TIA1: variants seen among roughly 807,000 people sequenced by gnomAD.
TIA1 encodes the protein TIA1 cytotoxic granule associated RNA binding protein.
In TIA1, 23 loss-of-function variants were observed where a neutral mutation model predicts 65.9. The ratio of observed to expected loss-of-function variants is 0.35; its 90% CI spans 0.25 to 0.49. The LOEUF (loss-of-function observed/expected upper bound fraction) is 0.49, where lower values mean the gene tolerates loss of function less well. TIA1 is among the 20% of genes least tolerant of loss of function. The pLI is 0.98. For synonymous variants in TIA1, 147 were observed against 149.4 expected (o/e 0.98, Z 0.12); for missense variants, 371 against 477.9 (o/e 0.78, Z 2.09).
rs768554955 is a variant in TIA1 at position 70,212,739 on chromosome 2, C to T, written c.1141G>A (p.Ala381Thr). Residue 381 changes from alanine (A) to threonine (T), a missense_variant, in exon 13 of 13, where the codon GCA (alanine) becomes ACA (threonine). Transcript: ENST00000433529. ...CTTATTCACTGGGTTTCATACCCTG[C>T]CACTCGATACCCAGAAGGCTGATTG... ...LPNQPSGYRV[A>T]GYETQ The T allele has an allele frequency of 3.5e-5, 56 of 1,613,234 alleles. No individual in the cohort carries two copies. The Middle Eastern group carries it at 4.9e-4, about 14-fold the overall frequency.
At chr2:70,220,394 G>A (rs1680741110) in intron 7 of TIA1, among the ~76,000 whole-genome samples, 1 of 152,032 alleles carries the variant, frequency 6.6e-6, no homozygotes, top group South Asian at 2.1e-4. Context: ...GGGTGACAGA[G>A]TGAGGTCCTG....
intron 5 of TIA1, chr2:70,228,796 G>T: frequency 2.2e-6 from 3 of 1,366,776 alleles, no homozygotes; most frequent in African/African-American, 1.5e-5. Flanking sequence ...CAAGAAAGGA[G>T]GGTATTTTGC....
At chr2:70,233,873 A>G (rs1208122303) in intron 2 of TIA1, among the ~76,000 whole-genome samples, 1 of 152,220 alleles carries the variant, frequency 6.6e-6, no homozygotes, top group Non-Finnish European at 1.5e-5. Flanking sequence ...ATAAGAATCG[A>G]AGCATATATA....
intron 5 of TIA1, chr2:70,228,294 G>GAT (rs1339628909): frequency 3.2e-6 from 4 of 1,255,322 alleles, no homozygotes; most frequent in Admixed American, 5.3e-5. Flanking sequence ...CTAGCTACAT[G>GAT]ATATATACTT....
At chr2:70,218,621 G>C (rs1421697239) in intron 7 of TIA1, among the ~76,000 whole-genome samples, 1 of 152,074 alleles carries the variant, frequency 6.6e-6, no homozygotes, top group Non-Finnish European at 1.5e-5. Flanking sequence ...TTTTAGTAGA[G>C]ACAGGGTTTC....
intron 2 of TIA1, among the ~76,000 whole-genome samples, chr2:70,232,431 T>A (rs1686842400): frequency 7.1e-6 from 1 of 141,672 alleles, no homozygotes; most frequent in Non-Finnish European, 1.5e-5. Context: ...TCCCAGCTAC[T>A]CGGGAGGCTG....
At chr2:70,229,415 G>A (rs1217565258) in intron 3 of TIA1, 97 bp from the exon 4 acceptor site, 2 of 1,039,806 alleles carry the variant, frequency 1.9e-6, no homozygotes, top group Non-Finnish European at 2.8e-6. Flanking sequence ...TGTTTAAGAT[G>A]AAACACTGAA....
At chr2:70,224,325 T>C (rs2104284702) in intron 7 of TIA1, 1 of 519,986 alleles carries the variant, frequency 1.9e-6, no homozygotes, top group Non-Finnish European at 3.3e-6. Flanking sequence ...CTTTGGCTGA[T>C]AATTTAAACA....
At chr2:70,222,573 A>G (rs1246253000) in intron 7 of TIA1, among the ~76,000 whole-genome samples, 8 of 152,224 alleles carry the variant, frequency 5.3e-5, no homozygotes, top group East Asian at 1.9e-4. Flanking sequence ...CAAATTTTAC[A>G]TAAGTTGAAA....
chr2:70,248,466 C>CAG lies in TIA1; in HGVS notation c.-37_-36insCT. On this transcript the variant is annotated 5_prime_UTR_variant, in exon 1 of 13. Transcript: ENST00000433529. Reference sequence around the variant, plus strand: ...GTCGCGGCGGCGCCTCCAGGTCCAGCTCCCTGCCCTTCACTACCTCCCAAA... The same window carrying CAG: ...GTCGCGGCGGCGCCTCCAGGTCCAGCAGTCCCTGCCCTTCACTACCTCCCAAA... 2 of 1,600,794 alleles carry CAG rather than the reference C, an allele frequency of 1.2e-6. No individual in the cohort carries two copies. Among genetic ancestry groups the CAG allele is most frequent in the Middle Eastern group, 1.6e-4 (1 of 6,062 alleles).
intron 7 of TIA1, 160 bp downstream of exon 7, chr2:70,224,394 A>T: frequency 9.8e-7 from 1 of 1,021,804 alleles, no homozygotes; most frequent in Non-Finnish European, 1.4e-6. Context: ...TCAGGTGCCA[A>T]TAAATGTTAA....
At chr2:70,229,386 A>G in intron 3 of TIA1, 68 bp from the exon 4 acceptor site, 2 of 1,319,340 alleles carry the variant, frequency 1.5e-6, no homozygotes, top group African/African-American at 1.5e-5. Flanking sequence ...TTGTATCTAT[A>G]AACACATAGG....
chr2:70,230,991 C>G (rs1686015553), intron 2 of TIA1, 137 bp from the exon 3 acceptor site: 5 of 594,034 alleles, frequency 8.4e-6, no homozygotes. Context: ...GTCTATTCCA[C>G]AAGTAAATTT....
In TIA1 at chr2:70,248,577, C is replaced by T. The variant is rs764222032; in HGVS notation, c.-147G>A. 1 of 1,147,642 alleles carries T rather than the reference C, an allele frequency of 8.7e-7. No homozygotes were observed. Among genetic ancestry groups the T allele is most frequent in the Non-Finnish European group, 1.3e-6 (1 of 791,960 alleles). The allele number at this position is 1,147,642 out of a possible 1,614,324, so 71.1% of individuals were successfully genotyped here. A position where few individuals can be genotyped will look rare whatever the true frequency, so the allele number is the denominator to read the frequency against. On this transcript the variant is annotated 5_prime_UTR_variant, in exon 1 of 13. It adds an upstream start codon to the 5' untranslated region. Coordinates refer to ENST00000433529, the MANE Select transcript of TIA1 (RefSeq NM_022173.4). Reference sequence around the variant, plus strand: ...GCCTCCTCCTCCGGCGGCAATTACACTAAACCGCCCGGCCCAGCGGGAACA... The same window carrying T: ...GCCTCCTCCTCCGGCGGCAATTACATTAAACCGCCCGGCCCAGCGGGAACA...
In TIA1 at chr2:70,210,538, T is replaced by G. The variant is rs1291855440; in HGVS notation, c.*2181A>C. 6.6e-6 allele frequency: 1 copy of G among 152,196 alleles called. No individual in the cohort carries two copies. The highest frequency in any genetic ancestry group is 2.4e-5 in the African/African-American group (1 of 41,468). 9.4% of individuals were successfully genotyped at this position (152,196 alleles called of 1,614,324 possible). A position where few individuals can be genotyped will look rare whatever the true frequency, so the allele number is the denominator to read the frequency against. On this transcript the variant is annotated 3_prime_UTR_variant, in exon 13 of 13. Coordinates refer to ENST00000433529, the MANE Select transcript of TIA1 (RefSeq NM_022173.4). Reference sequence around the variant, plus strand: ...AAAGTAGTCAATGTACATTTTAAGATTTGTGCAATAAGCCAATATGCTGGA... The same window carrying G: ...AAAGTAGTCAATGTACATTTTAAGAGTTGTGCAATAAGCCAATATGCTGGA...
intron 7 of TIA1, among the ~76,000 whole-genome samples, chr2:70,219,272 A>G (rs1573289094): frequency 6.6e-6 from 1 of 152,354 alleles, no homozygotes; most frequent in East Asian, 1.9e-4. Context: ...GAAGAAAGCC[A>G]CAAAAGTGTA....
chr2:70,247,467 AG>A (rs1443141508), intron 1 of TIA1, among the ~76,000 whole-genome samples: 1 of 152,244 alleles, frequency 6.6e-6, no homozygotes, highest in South Asian at 2.1e-4. Context: ...ATGTCATCCA[AG>A]AAAAACAAAA....
At chr2:70,228,960 TCCCGCCC>T in intron 5 of TIA1, 92 bp downstream of exon 5, 1 of 187,294 alleles carries the variant, frequency 5.3e-6, no homozygotes, top group Non-Finnish European at 7.6e-6. Flanking sequence ...TAATATCTCC[TCCCGCCC>T]CCCTCCCCCA....
At chr2:70,228,569 C>A in intron 5 of TIA1, 4 of 1,094,428 alleles carry the variant, frequency 3.7e-6, no homozygotes, top group South Asian at 4.5e-5. Context: ...TTAAAAAAGA[C>A]AATTATCAAA....
Sources: gnomAD v4.1 joint callset for allele counts (sites outside exome capture counted in the v4.1 genomes callset) on GRCh38, gnomAD v4.1.1 for gene constraint, MANE v1.5 for transcripts, NCBI Gene and HGNC (gene_info 2026-07-23, HGNC 2026-07-21) for gene names.